Variants in WWOX observed in about 807,000 individuals in gnomAD.
The protein encoded by WWOX is WW domain containing oxidoreductase.
Under a neutral mutation model 46.2 loss-of-function variants are expected in WWOX, and 69 were observed. The ratio of observed to expected loss-of-function variants is 1.49; its 90% CI spans 1.23 to 1.82. WWOX has a LOEUF of 1.82. Among genes scored for constraint, WWOX ranks in the 40% most tolerant of loss-of-function variants. WWOX has a pLI of 0.00. For synonymous variants in WWOX, 359 were observed against 202.6 expected, an observed-to-expected ratio of 1.77 and a Z score of -6.56; for missense variants, 919 against 542.6, an observed-to-expected ratio of 1.69 and a Z score of -6.89.
intron 8 of WWOX, among the ~76,000 whole-genome samples, chr16:78,567,552 CAAAAAAAA>C (rs71272440): frequency 1.9e-5 from 1 of 52,136 alleles, no homozygotes; most frequent in African/African-American, 7.6e-5. Flanking sequence ...GACTCCGTCT[CAAAAAAAA>C]AAAAAAAAAA....
intron 8 of WWOX, among the ~76,000 whole-genome samples, chr16:78,655,800 G>C (rs1358662237): frequency 1.3e-5 from 2 of 152,180 alleles, no homozygotes; most frequent in Admixed American, 1.3e-4. Context: ...TCTGTGATTT[G>C]AAGCCTTATT....
intron 8 of WWOX, among the ~76,000 whole-genome samples, chr16:78,588,878 G>GT (rs1160858165): frequency 6.6e-6 from 1 of 152,190 alleles, no homozygotes; most frequent in Non-Finnish European, 1.5e-5. Context: ...TAGTGATAGT[G>GT]TTGATAGAAG....
intron 8 of WWOX, among the ~76,000 whole-genome samples, chr16:79,169,921 G>A (rs1172541829): frequency 6.6e-6 from 1 of 152,174 alleles, no homozygotes; most frequent in African/African-American, 2.4e-5. Context: ...AACCCTCTAT[G>A]TTGATGGCCA....
intron 8 of WWOX, among the ~76,000 whole-genome samples, chr16:78,605,608 A>G (rs1291734182): frequency 2.0e-5 from 3 of 152,244 alleles, no homozygotes; most frequent in African/African-American, 7.2e-5. Context: ...AACCTAATTA[A>G]CAACCCAAAT....
intron 8 of WWOX, among the ~76,000 whole-genome samples, chr16:78,656,165 C>T (rs1313925458): frequency 2.0e-5 from 3 of 152,048 alleles, no homozygotes; most frequent in Admixed American, 6.6e-5. Context: ...TTTCTCATAA[C>T]ATTTGTGTGT....
intron 5 of WWOX, among the ~76,000 whole-genome samples, chr16:78,214,550 C>T (rs2036658249): frequency 6.6e-6 from 1 of 152,158 alleles, no homozygotes; most frequent in African/African-American, 2.4e-5. Flanking sequence ...GATTGCACCT[C>T]CCTCTGAATA....
chr16:78,986,406 A>C (rs922850265), intron 8 of WWOX, among the ~76,000 whole-genome samples: 9 of 152,188 alleles, frequency 5.9e-5, no homozygotes, highest in African/African-American at 2.2e-4. Flanking sequence ...TGGTTTGGAC[A>C]TGAACTGGTT....
chr16:78,815,215 C>T (rs1442731366), intron 8 of WWOX, among the ~76,000 whole-genome samples: 1 of 151,898 alleles, frequency 6.6e-6, no homozygotes, highest in Non-Finnish European at 1.5e-5. Flanking sequence ...ATCCCAGCTA[C>T]TTGGGAGGTT....
At chr16:78,468,396 G>A (rs1017175108) in intron 8 of WWOX, among the ~76,000 whole-genome samples, 5 of 151,360 alleles carry the variant, frequency 3.3e-5, no homozygotes, top group Admixed American at 6.6e-5. Context: ...TTGTTGCAAC[G>A]GCAAAAAAGA....
At chr16:78,191,690 T>G (rs553675857) in intron 5 of WWOX, among the ~76,000 whole-genome samples, 2 of 152,198 alleles carry the variant, frequency 1.3e-5, no homozygotes, top group Non-Finnish European at 2.9e-5. Context: ...GGTGAGGATT[T>G]AGAACAAGGC....
chr16:78,585,727 T>C (rs1399887494), intron 8 of WWOX, among the ~76,000 whole-genome samples: 1 of 151,748 alleles, frequency 6.6e-6, no homozygotes, highest in East Asian at 1.9e-4. Context: ...TAATTTGTGC[T>C]TGGCTTCTCC....
intron 8 of WWOX, 89 bp downstream of exon 8, chr16:78,432,841 A>C: frequency 6.3e-7 from 1 of 1,591,790 alleles, no homozygotes. Flanking sequence ...TCTTGCGGGC[A>C]TGAGTCTGGT....
At chr16:79,033,652 A>G (rs988266203) in intron 8 of WWOX, among the ~76,000 whole-genome samples, 14 of 152,114 alleles carry the variant, frequency 9.2e-5, no homozygotes, top group Non-Finnish European at 1.9e-4. Flanking sequence ...ATGACCATCC[A>G]TCTCCAGAAT....
At chr16:78,603,699 G>T (rs1266872319) in intron 8 of WWOX, among the ~76,000 whole-genome samples, 1 of 151,890 alleles carries the variant, frequency 6.6e-6, no homozygotes. Flanking sequence ...CTCAAAATAA[G>T]TAAATAAATA....
chr16:78,370,591 TTCTG>T (rs2081653149), intron 5 of WWOX, among the ~76,000 whole-genome samples: 1 of 152,004 alleles, frequency 6.6e-6, no homozygotes, highest in Non-Finnish European at 1.5e-5. Flanking sequence ...TAATTATGGA[TTCTG>T]TCTTATTTAT....
At chr16:78,453,954 A>G (rs1410531304) in intron 8 of WWOX, among the ~76,000 whole-genome samples, 2 of 152,104 alleles carry the variant, frequency 1.3e-5, no homozygotes, top group Non-Finnish European at 2.9e-5. Context: ...CAACTTGTAG[A>G]TTGGGCAGAT....
intron 6 of WWOX, among the ~76,000 whole-genome samples, chr16:78,422,663 G>GTGTATA (rs1438850450): frequency 8.2e-5 from 2 of 24,410 alleles, no homozygotes; most frequent in Non-Finnish European, 2.2e-4. Context: ...TTTTTTACAT[G>GTGTATA]TATATATATA....
At chr16:78,517,929 GTCTTT>G (rs1218088822) in intron 8 of WWOX, among the ~76,000 whole-genome samples, 1 of 122,942 alleles carries the variant, frequency 8.1e-6, no homozygotes, top group African/African-American at 3.1e-5. Flanking sequence ...TCATCCTTTA[GTCTTT>G]TCTTTACTAG....
chr16:78,930,261 T>TGA (rs2045592694), intron 8 of WWOX, among the ~76,000 whole-genome samples: 1 of 127,522 alleles, frequency 7.8e-6, no homozygotes, highest in Non-Finnish European at 1.7e-5. Context: ...CTTCCTTCCT[T>TGA]CCTTCCTTTC....
Sources: allele counts gnomAD v4.1 joint callset (sites outside exome capture counted in the v4.1 genomes callset), GRCh38; gene constraint gnomAD v4.1.1; transcripts MANE v1.5; gene names NCBI Gene and HGNC (gene_info 2026-07-23, HGNC 2026-07-21).